Variants in B9D1 observed in about 807,000 individuals in gnomAD.
The protein encoded by B9D1 is B9 domain-containing protein 1.
Under a neutral mutation model 26.1 loss-of-function variants are expected in B9D1, and 20 were observed. The ratio of observed to expected loss-of-function variants is 0.77; its 90% CI spans 0.54 to 1.12. B9D1 has a LOEUF of 1.12. Among genes scored for constraint, B9D1 ranks in the 50% most tolerant of loss-of-function variants. B9D1 has a pLI of 0.00. For synonymous variants in B9D1, 105 were observed against 103.1 expected (o/e 1.02, Z -0.11); for missense variants, 260 against 273.7 (o/e 0.95, Z 0.35).
chr17:19,356,715 G>C (rs1342954497), intron 3 of B9D1, among the ~76,000 whole-genome samples: 2 of 152,172 alleles, frequency 1.3e-5, no homozygotes, highest in Non-Finnish European at 2.9e-5. Flanking sequence ...AGAGGAGATG[G>C]GATTGGGGTA....
At chr17:19,362,781 A>C, upstream of B9D1, 1 of 1,418,578 alleles carries the variant, frequency 7.0e-7, no homozygotes, top group Non-Finnish European at 9.5e-7. Context: ...GCGGGGATCC[A>C]CGCCGAGGCT....
upstream of B9D1, among the ~76,000 whole-genome samples, chr17:19,365,407 G>A (rs1365497210): frequency 6.6e-6 from 1 of 152,230 alleles, no homozygotes; most frequent in African/African-American, 2.4e-5. The surrounding 1 kb of genome is among the most constrained non-coding windows in gnomAD (Gnocchi z 5.0). Flanking sequence ...CACCCCTCCT[G>A]GCTGTGCACC....
chr17:19,347,321 T>A lies in B9D1; in HGVS notation c.352A>T (p.Thr118Ser), dbSNP rs997237718. The change falls in exon 5 of 7, where the codon ACC becomes TCC. Residue 118 changes from threonine (T) to serine (S), a missense_variant. Thr to Ser is a moderately conservative substitution (Grantham distance 58). Coordinates refer to ENST00000261499, the MANE Select transcript of B9D1 (RefSeq NM_015681.6). This position sits in a 1 kb window ranked among gnomAD's most constrained non-coding sequence, Gnocchi z 4.3. ...GATTCTGGGACAAACATGGGGATGG[T>A]CCTTTTGTGCCTGAAACAAATGTTT... ...VPFSPGRHKR[T>S]IPMFVPESTS... The A allele has an allele frequency of 1.1e-5, 17 of 1,614,214 alleles. No homozygotes were observed. Among genetic ancestry groups the A allele is most frequent in the Non-Finnish European group, 1.4e-5 (17 of 1,180,048 alleles).
chr17:19,375,957 C>T (rs1364455464), intron 1 of B9D1, among the ~76,000 whole-genome samples: 2 of 152,158 alleles, frequency 1.3e-5, no homozygotes, highest in Admixed American at 6.5e-5. Context: ...GAAGCATTAT[C>T]ATAATAGCCA....
downstream of B9D1, chr17:19,337,658 C>CA: frequency 1.3e-6 from 2 of 1,498,762 alleles, no homozygotes; most frequent in Non-Finnish European, 1.8e-6. Context: ...CGGCTTCCCG[C>CA]GGAAGTTTCT....
intron 5 of B9D1, among the ~76,000 whole-genome samples, chr17:19,346,737 C>T (rs959266879): frequency 2.6e-5 from 4 of 152,170 alleles, no homozygotes; most frequent in African/African-American, 4.8e-5. Flanking sequence ...GCCACACTGC[C>T]GTCCTGGCCA....
At chr17:19,373,683 G>A (rs1187957727) in intron 1 of B9D1, among the ~76,000 whole-genome samples, 5 of 151,956 alleles carry the variant, frequency 3.3e-5, no homozygotes, top group Non-Finnish European at 5.9e-5. Flanking sequence ...GAGACACCGC[G>A]CCCAGCCTAA....
rs890568398 is a variant in B9D1, at chr17:19,358,210, C to A, written c.133-259G>T. On this transcript the variant is annotated intron_variant, in intron 2 of 6. Transcript: ENST00000261499. ...CACTAGATCTGGTCCCAAGCTCTTG[C>A]CCCACTGAAGGAATGGTCCAGCATG... Among the ~76,000 whole-genome samples the A allele has an allele frequency of 3.4e-4, 51 of 152,198 alleles. 1 individual carries two copies. The highest frequency in any genetic ancestry group is 4.4e-4 in the Non-Finnish European group (30 of 68,040).
intron 5 of B9D1, among the ~76,000 whole-genome samples, chr17:19,345,290 C>G (rs879858509): frequency 1.3e-5 from 2 of 152,190 alleles, no homozygotes; most frequent in African/African-American, 4.8e-5. Context: ...GAAGTTCATT[C>G]TGACAGAGAC....
chr17:19,362,595 C>T lies in B9D1; in HGVS notation c.-26G>A, dbSNP rs887565728. On this transcript the variant is annotated 5_prime_UTR_variant, in exon 1 of 7. Coordinates refer to ENST00000261499, the MANE Select transcript of B9D1 (RefSeq NM_015681.6). ...GGCAGGTCTGGGGGTGCCGGGGGGA[C>T]CCACCTAGGCCGCGCGCGGTTGCTA... 5 of 1,579,924 alleles carry T rather than the reference C, an allele frequency of 3.2e-6. No individual in the cohort carries two copies. The African/African-American group carries it at 5.4e-5, about 17-fold the overall frequency.
At position 19,359,034 on chromosome 17, in the gene B9D1, C is replaced by T. The variant is rs972457272; in HGVS notation, c.133-1083G>A. Reference sequence around the variant, plus strand: ...CCTCACATCCATCAAAAGAACCCAGCGGCTCTATCTTCAGAATATACTTGC... The same window carrying T: ...CCTCACATCCATCAAAAGAACCCAGTGGCTCTATCTTCAGAATATACTTGC... On this transcript the variant is annotated intron_variant, in intron 2 of 6. Coordinates refer to ENST00000261499, the MANE Select transcript of B9D1 (RefSeq NM_015681.6). This position sits in a 1 kb window ranked among gnomAD's most constrained non-coding sequence, Gnocchi z 5.0. Among the ~76,000 whole-genome samples the T allele has an allele frequency of 6.6e-6, 1 of 152,172 alleles. No individual in the cohort carries two copies. The highest frequency in any genetic ancestry group is 1.5e-5 in the Non-Finnish European group (1 of 68,020).
rs1490133471 is a variant in B9D1 at position 19,372,986 on chromosome 17, A to G, written c.-298+4873T>C. Reference sequence around the variant, plus strand: ...GGTTTCCTGTGGGGAAATGGCCCTCATCCATACGTGGTCTGAGGAGTTTGG... The same window carrying G: ...GGTTTCCTGTGGGGAAATGGCCCTCGTCCATACGTGGTCTGAGGAGTTTGG... On this transcript the variant is annotated intron_variant, in intron 1 of 5. Coordinates refer to the B9D1 transcript ENST00000477478. The surrounding 1 kb of genome is among the most constrained non-coding windows in gnomAD (Gnocchi z 4.4). 6.6e-6 allele frequency among the ~76,000 whole-genome samples: 1 copy of G among 152,062 alleles called. No individual in the cohort carries two copies. Among genetic ancestry groups the G allele is most frequent in the East Asian group, 1.9e-4 (1 of 5,180 alleles).
chr17:19,374,323 T>A (rs561269219), intron 1 of B9D1, among the ~76,000 whole-genome samples: 2 of 152,310 alleles, frequency 1.3e-5, no homozygotes, highest in African/African-American at 4.8e-5. Context: ...GAAATGCTGA[T>A]CTGATTTCCC....
At chr17:19,362,851 T>G (rs1043411207), upstream of B9D1, 2 of 740,862 alleles carry the variant, frequency 2.7e-6, no homozygotes, top group African/African-American at 3.5e-5. Flanking sequence ...ACCTGTCGGG[T>G]AAAGCCAGCC....
chr17:19,346,147 GCCTC>G (rs1908746364), intron 5 of B9D1, among the ~76,000 whole-genome samples: 2 of 152,240 alleles, frequency 1.3e-5, no homozygotes, highest in South Asian at 4.1e-4. Context: ...CTGCCTCGCT[GCCTC>G]CCTGACAGCC....
intron 1 of B9D1, among the ~76,000 whole-genome samples, chr17:19,362,305 G>T (rs1335421350): frequency 6.6e-6 from 1 of 152,220 alleles, no homozygotes; most frequent in African/African-American, 2.4e-5. Flanking sequence ...CTCGAGGTCT[G>T]CTTCTATTCC....
At chr17:19,377,784 G>A (rs1433448591) in intron 1 of B9D1, 2 of 969,218 alleles carry the variant, frequency 2.1e-6, no homozygotes, top group Admixed American at 6.1e-5. Flanking sequence ...GAGGTTGGGC[G>A]GCCGCCTCGG....
chr17:19,357,779 G>T, intron 3 of B9D1, 61 bp downstream of exon 3: 1 of 1,232,658 alleles, frequency 8.1e-7, no homozygotes, highest in Non-Finnish European at 1.2e-6. Flanking sequence ...GGCAGAGGCT[G>T]TCTTGGGGGT....
intron 3 of B9D1, among the ~76,000 whole-genome samples, chr17:19,354,789 C>T (rs900608093): frequency 6.6e-6 from 1 of 152,162 alleles, no homozygotes; most frequent in African/African-American, 2.4e-5. Context: ...GATCGCGCCA[C>T]TGCACTACAG....
Sources: allele counts gnomAD v4.1 joint callset (sites outside exome capture counted in the v4.1 genomes callset), GRCh38; gene constraint gnomAD v4.1.1; non-coding constraint Gnocchi (gnomAD v3.1); transcripts MANE v1.5; gene names NCBI Gene and HGNC (gene_info 2026-07-23, HGNC 2026-07-21).